Variants in AFF1 observed in about 807,000 individuals in gnomAD.
AFF1 encodes the protein AF4/FMR2 family member 1.
A neutral mutation model predicts 121.7 loss-of-function variants in AFF1; 48 were observed. That is an observed-to-expected ratio of 0.39 (90% CI 0.31 to 0.50). The LOEUF (loss-of-function observed/expected upper bound fraction) is 0.50, where lower values mean the gene tolerates loss of function less well. Ranked by LOEUF, AFF1 falls within the 20% of genes least tolerant of loss-of-function variation. The probability of loss-of-function intolerance (pLI) is 0.76; values close to 1 mark genes in which losing one functional copy is unlikely to be tolerated. For synonymous variants in AFF1, 613 were observed against 563.0 expected, an observed-to-expected ratio of 1.09 and a Z score of -1.26; for missense variants, 1,523 against 1,511.7, an observed-to-expected ratio of 1.01 and a Z score of -0.12.
chr4:87,022,610 ATATC>A (rs1160030631), intron 2 of AFF1, among the ~76,000 whole-genome samples: 5 of 92,266 alleles, frequency 5.4e-5, no homozygotes, highest in East Asian at 2.6e-4. Context: ...GTGTGTATAT[ATATC>A]TGTGTGTGTA....
intron 2 of AFF1, chr4:87,036,721 T>C: frequency 2.2e-6 from 1 of 461,296 alleles, no homozygotes; most frequent in South Asian, 1.6e-5. Flanking sequence ...AGAAACAAAA[T>C]GGGTTATATT....
chr4:87,132,458 A>C (rs747028262), intron 19 of AFF1, 50 bp downstream of exon 19: 2 of 1,542,116 alleles, frequency 1.3e-6, no homozygotes, highest in Admixed American at 2.1e-5. Context: ...TCATTTCTTT[A>C]TTTACTTCTT....
intron 1 of AFF1, 101 bp from the exon 2 acceptor site, chr4:86,948,397 A>G (rs761665253): frequency 5.6e-6 from 4 of 716,160 alleles, no homozygotes; most frequent in Non-Finnish European, 8.8e-6. Flanking sequence ...TCAAATGAGA[A>G]CTTGGAATTC....
rs957394608 is a variant in AFF1, at chr4:86,963,048, C to A, written c.38+14477C>A. 4.1e-4 allele frequency among the ~76,000 whole-genome samples: 62 copies of A among 151,464 alleles called. 1 individual carries two copies. Among genetic ancestry groups the A allele is most frequent in the African/African-American group, 1.5e-3 (60 of 41,162 alleles). On this transcript the variant is annotated intron_variant, in intron 2 of 20. Transcript: ENST00000395146. ...AGGCGTGCTGGCATGCACCTGTAATCCCAGCTACTTGAGAGGCTGAGGCAC... is the reference window on the plus strand; with the variant it reads ...AGGCGTGCTGGCATGCACCTGTAATACCAGCTACTTGAGAGGCTGAGGCAC...
At chr4:87,076,343 G>T (rs1722670526) in intron 4 of AFF1, among the ~76,000 whole-genome samples, 1 of 152,174 alleles carries the variant, frequency 6.6e-6, no homozygotes, top group African/African-American at 2.4e-5. Context: ...TCTGCAGTTA[G>T]CCTCATTTGT....
At chr4:87,110,019 CATT>C (rs777943412) in intron 11 of AFF1, among the ~76,000 whole-genome samples, 5 of 152,066 alleles carry the variant, frequency 3.3e-5, no homozygotes, top group Non-Finnish European at 7.4e-5. Flanking sequence ...TAAATACCTG[CATT>C]ATTATAAATT....
At chr4:87,067,981 T>G (rs1047558979) in intron 4 of AFF1, among the ~76,000 whole-genome samples, 4 of 152,230 alleles carry the variant, frequency 2.6e-5, no homozygotes, top group African/African-American at 9.6e-5. Context: ...TTATTTCTCA[T>G]ATAGTTTTTT....
chr4:87,078,431 G>A (rs1164604244), intron 4 of AFF1, among the ~76,000 whole-genome samples: 1 of 152,174 alleles, frequency 6.6e-6, no homozygotes, highest in Admixed American at 6.5e-5. Context: ...GATTCAGTGA[G>A]GGTTCTGGCC....
chr4:86,960,426 C>T (rs916254879), intron 2 of AFF1, among the ~76,000 whole-genome samples: 1 of 152,164 alleles, frequency 6.6e-6, no homozygotes, highest in African/African-American at 2.4e-5. Context: ...CCTTTTCCCA[C>T]CCGACATCAG....
At chr4:87,003,265 CATTT>C (rs1355524827) in intron 2 of AFF1, among the ~76,000 whole-genome samples, 1 of 151,636 alleles carries the variant, frequency 6.6e-6, no homozygotes, top group African/African-American at 2.4e-5. Context: ...ATTTTTTTTC[CATTT>C]ATTCATTTAT....
chr4:87,009,461 C>T (rs569117042), intron 2 of AFF1, among the ~76,000 whole-genome samples: 1 of 152,298 alleles, frequency 6.6e-6, no homozygotes, highest in Admixed American at 6.5e-5. Context: ...TGTGGTGGTT[C>T]AACTTGCCAG....
At chr4:87,026,936 C>G (rs1038970433) in intron 2 of AFF1, among the ~76,000 whole-genome samples, 1 of 152,100 alleles carries the variant, frequency 6.6e-6, no homozygotes, top group Non-Finnish European at 1.5e-5. Context: ...GAAGCACTTG[C>G]AGGAAAAACA....
intron 4 of AFF1, among the ~76,000 whole-genome samples, chr4:87,081,902 A>G (rs1193376046): frequency 6.6e-6 from 1 of 152,178 alleles, no homozygotes; most frequent in Admixed American, 6.5e-5. Flanking sequence ...CAACATAACA[A>G]AACTCTTGGG....
At chr4:86,983,008 G>A (rs991429959) in intron 2 of AFF1, among the ~76,000 whole-genome samples, 5 of 152,108 alleles carry the variant, frequency 3.3e-5, no homozygotes, top group African/African-American at 1.2e-4. Flanking sequence ...CCAGAACTGT[G>A]AGAAATAAAT....
intron 2 of AFF1, among the ~76,000 whole-genome samples, chr4:87,009,055 G>A (rs770163314): frequency 3.9e-5 from 6 of 152,184 alleles, no homozygotes; most frequent in Non-Finnish European, 5.9e-5. Context: ...TTGTACCCAG[G>A]TGTGAGAGAT....
intron 4 of AFF1, among the ~76,000 whole-genome samples, chr4:87,066,994 CAGA>C (rs1428666439): frequency 6.6e-6 from 1 of 152,214 alleles, no homozygotes; most frequent in Non-Finnish European, 1.5e-5. Context: ...ACGATTATAT[CAGA>C]GGAGGAGATG....
At position 87,127,170 on chromosome 4, in the gene AFF1, C is replaced by A. The variant is rs555125194; in HGVS notation, c.2903+53C>A. On this transcript the variant is annotated intron_variant, in intron 15 of 20. Coordinates refer to ENST00000395146, the MANE Select transcript of AFF1 (RefSeq NM_001166693.3). ...TCTGTTTTGTTTTGTTTTGCTTCCC[C>A]CCCCCACCAAGATAGAGTCTCACTC... 40 of 1,293,492 alleles carry A rather than the reference C, an allele frequency of 3.1e-5. 2 individuals are homozygous for A. The East Asian group carries it at 8.5e-4, about 28-fold the overall frequency. The allele number at this position is 1,293,492 out of a possible 1,614,324, so 80.1% of individuals were successfully genotyped here.
chr4:86,986,751 TA>T lies in AFF1; in HGVS notation c.38+38181del, dbSNP rs1216198454. 2.0e-5 allele frequency among the ~76,000 whole-genome samples: 3 copies of T among 152,156 alleles called. No homozygotes were observed. The South Asian group carries it at 6.2e-4, about 32-fold the overall frequency. On this transcript the variant is annotated intron_variant, in intron 2 of 20. Transcript: ENST00000395146. ...GGAAGAATAATTAGATATTTGATGCTAGTAAGGGAAATTTTATTAATATTAC... is the reference window on the plus strand; with the variant it reads ...GGAAGAATAATTAGATATTTGATGCTGTAAGGGAAATTTTATTAATATTAC...
chr4:87,044,281 T>A (rs1380415922), intron 2 of AFF1, among the ~76,000 whole-genome samples: 12 of 152,266 alleles, frequency 7.9e-5, no homozygotes, highest in African/African-American at 2.9e-4. Flanking sequence ...AAATCTTTTT[T>A]AAATAGTTGT....
Sources: gnomAD v4.1 joint callset for allele counts (sites outside exome capture counted in the v4.1 genomes callset) on GRCh38, gnomAD v4.1.1 for gene constraint, MANE v1.5 for transcripts, NCBI Gene and HGNC (gene_info 2026-07-23, HGNC 2026-07-21) for gene names.